ARMC9: variants seen among roughly 807,000 people sequenced by gnomAD.
ARMC9 encodes lisH domain-containing protein ARMC9.
A neutral mutation model predicts 107.0 loss-of-function variants in ARMC9; 94 were observed. That is an observed-to-expected ratio of 0.88 (90% confidence interval 0.74 to 1.04). The LOEUF is 1.04. Among genes scored for constraint, ARMC9 ranks in the 50% least tolerant of loss-of-function variants. The pLI, the probability that ARMC9 is intolerant of heterozygous loss-of-function variation, is 0.00. For missense variants in ARMC9, 942 were observed against 1,030.1 expected (o/e 0.91, Z 1.17); for synonymous variants, 380 against 396.9 (o/e 0.96, Z 0.51).
At chr2:231,302,567 C>T (rs1479698483) in intron 19 of ARMC9, among the ~76,000 whole-genome samples, 1 of 150,740 alleles carries the variant, frequency 6.6e-6, no homozygotes, top group East Asian at 2.0e-4. Flanking sequence ...TCTAGCCTCA[C>T]ACACCTGTGT....
rs750286873 is a variant in ARMC9 at position 231,278,440 on chromosome 2, T to A, written c.1533T>A (p.Leu511=). The A allele has an allele frequency of 3.1e-6, 5 of 1,613,984 alleles. No individual in the cohort carries two copies. The highest frequency in any genetic ancestry group is 4.2e-6 in the Non-Finnish European group (5 of 1,180,034). Residue 511 remains leucine (L), a synonymous_variant, in exon 16 of 25, where the codon CTT becomes CTA. Transcript: ENST00000611582. ...GLVLKVLSDL[L]GHENHEIQPY... is the part of the protein sequence containing the mutation. ...TGCTCAAAGTCCTTTCGGATCTTCT[T>A]GGCCATGAAAACCATGAGGTACTCA...
chr2:231,296,227 G>C lies in ARMC9; in HGVS notation c.1747G>C (p.Asp583His). ...GCTACCAGATGGTGTTCTTGAATCT[G>C]ATGATGATGAAGATGAAGATGATGA... ...EELPDGVLES[D>H]DDEDEDDEED... The change falls in exon 19 of 25, where the codon GAT becomes CAT. Residue 583 changes from aspartate (D) to histidine (H), a missense_variant. Transcript: ENST00000611582. 6.2e-7 allele frequency: 1 copy of C among 1,613,074 alleles called. No homozygotes were observed. The highest frequency in any genetic ancestry group is 1.1e-5 in the South Asian group (1 of 90,896).
chr2:231,212,814 C>T lies in ARMC9; in HGVS notation c.178-2017C>T, dbSNP rs144591630. 5.9e-3 allele frequency among the ~76,000 whole-genome samples: 904 copies of T among 152,348 alleles called. 9 individuals carry two copies. The highest frequency in any genetic ancestry group is 0.021 in the African/African-American group (874 of 41,588). On this transcript the variant is annotated intron_variant, in intron 3 of 24. Coordinates refer to ENST00000611582, the MANE Select transcript of ARMC9 (RefSeq NM_001352754.2). Reference sequence around the variant, plus strand: ...ACCCACAGGCGCTAACACACTGTCCCTCGCCTGTGTCCGGGAGGAACAGAA... The same window carrying T: ...ACCCACAGGCGCTAACACACTGTCCTTCGCCTGTGTCCGGGAGGAACAGAA...
At chr2:231,232,757 A>G (rs1346329942) in intron 7 of ARMC9, among the ~76,000 whole-genome samples, 1 of 152,174 alleles carries the variant, frequency 6.6e-6, no homozygotes, top group African/African-American at 2.4e-5. Flanking sequence ...GGCCTTTGCC[A>G]GGTGACTTTT....
chr2:231,261,163 G>C (rs778497034), intron 11 of ARMC9, among the ~76,000 whole-genome samples: 3 of 152,124 alleles, frequency 2.0e-5, no homozygotes, highest in Non-Finnish European at 2.9e-5. Flanking sequence ...TGCAGCCTCA[G>C]GATTTTTATC....
chr2:231,302,856 T>C (rs949229892), intron 19 of ARMC9, among the ~76,000 whole-genome samples: 1 of 151,950 alleles, frequency 6.6e-6, no homozygotes, highest in Non-Finnish European at 1.5e-5. Flanking sequence ...ATACAAAAAT[T>C]AGCTGGGCAT....
intron 20 of ARMC9, among the ~76,000 whole-genome samples, chr2:231,339,928 T>C (rs2011912): frequency 0.099 from 15,071 of 152,280 alleles, 2,461 homozygotes; most frequent in African/African-American, 0.34. Context: ...AGTGAAACTC[T>C]GTCTCAACCA....
At chr2:231,258,678 T>C (rs2038064712) in intron 10 of ARMC9, among the ~76,000 whole-genome samples, 1 of 152,224 alleles carries the variant, frequency 6.6e-6, no homozygotes. Flanking sequence ...TCAAGGTGAT[T>C]TCTTCCCTAT....
At chr2:231,214,718 A>C in intron 3 of ARMC9, 113 bp from the exon 4 acceptor site, 1 of 1,121,064 alleles carries the variant, frequency 8.9e-7, no homozygotes, top group East Asian at 2.4e-5. Flanking sequence ...CTATTTTTCT[A>C]TCCTTTACCA....
chr2:231,235,165 C>A, intron 7 of ARMC9, 59 bp from the exon 8 acceptor site: 1 of 1,523,724 alleles, frequency 6.6e-7, no homozygotes, highest in Non-Finnish European at 8.9e-7. Context: ...GAGAAGAATA[C>A]AATTATTTTT....
At position 231,362,251 on chromosome 2, in the gene ARMC9, A is replaced by G. The variant is rs1328706024; in HGVS notation, c.2261+1368A>G. Among the ~76,000 whole-genome samples, 1 of 152,104 alleles carries G rather than the reference A, an allele frequency of 6.6e-6. No homozygotes were observed. The highest frequency in any genetic ancestry group is 1.5e-5 in the Non-Finnish European group (1 of 67,982). On this transcript the variant is annotated intron_variant, in intron 23 of 24. Coordinates refer to ENST00000611582, the MANE Select transcript of ARMC9 (RefSeq NM_001352754.2). The surrounding 1 kb of genome is among the most constrained non-coding windows in gnomAD (Gnocchi z 4.7). ...CTCAGGCTCTCAGCATCCCCCTGAA[A>G]TGGGGACTCAAAATGAGAGACCTCT...
chr2:231,237,302 A>T (rs1226123531), intron 8 of ARMC9, among the ~76,000 whole-genome samples: 2 of 151,986 alleles, frequency 1.3e-5, no homozygotes, highest in Admixed American at 6.6e-5. Flanking sequence ...TATCTTGGAG[A>T]TCTTTCCATA....
chr2:231,243,018 G>A (rs552172840), intron 9 of ARMC9, among the ~76,000 whole-genome samples: 3 of 152,108 alleles, frequency 2.0e-5, no homozygotes, highest in Admixed American at 6.5e-5. Context: ...AGGCCGAGGC[G>A]GGCAGATGAC....
At chr2:231,355,136 C>G (rs1187205714) in intron 21 of ARMC9, among the ~76,000 whole-genome samples, 1 of 152,104 alleles carries the variant, frequency 6.6e-6, no homozygotes, top group African/African-American at 2.4e-5. Flanking sequence ...CCCAGGAGTT[C>G]GAGACCAGTC....
chr2:231,275,696 GT>G (rs1364519647), intron 14 of ARMC9, among the ~76,000 whole-genome samples: 16 of 152,358 alleles, frequency 1.1e-4, no homozygotes, highest in African/African-American at 3.6e-4. Flanking sequence ...GCTCACGCCT[GT>G]AATCCCAGCA....
At chr2:231,363,606 G>A (rs1414963029) in intron 23 of ARMC9, among the ~76,000 whole-genome samples, 2 of 152,146 alleles carry the variant, frequency 1.3e-5, no homozygotes, top group African/African-American at 2.4e-5. Context: ...GTCTAGACCT[G>A]CCTGGCGCAG....
intron 9 of ARMC9, among the ~76,000 whole-genome samples, chr2:231,251,561 T>A (rs1476077872): frequency 6.6e-6 from 1 of 151,926 alleles, no homozygotes; most frequent in Non-Finnish European, 1.5e-5. Flanking sequence ...GCGTGGGGAG[T>A]TATTCGGTCA....
Position 231,375,001 on chromosome 2 carries a change from A to G in ARMC9, c.*3466A>G, listed in dbSNP as rs1378271305. Among the ~76,000 whole-genome samples, 3 of 152,172 alleles carry G rather than the reference A, an allele frequency of 2.0e-5. No homozygotes were observed. Among genetic ancestry groups the G allele is most frequent in the Non-Finnish European group, 1.5e-5 (1 of 68,036 alleles). On this transcript the variant is annotated 3_prime_UTR_variant, in exon 25 of 25. Transcript: ENST00000611582. This position sits in a 1 kb window ranked among gnomAD's most constrained non-coding sequence, Gnocchi z 4.3. ...TGTTTGCCTAGCTTTATCTCTCCAG[A>G]TACTATTTGGGGTGTGCTGTTCTAA...
At chr2:231,326,944 G>C (rs1383680328) in intron 19 of ARMC9, among the ~76,000 whole-genome samples, 6 of 152,092 alleles carry the variant, frequency 3.9e-5, no homozygotes, top group Admixed American at 3.9e-4. Flanking sequence ...ATGATCTTAG[G>C]GAACACTGTC....
Sources: gnomAD v4.1 joint callset for allele counts (sites outside exome capture counted in the v4.1 genomes callset) on GRCh38, gnomAD v4.1.1 for gene constraint, Gnocchi (gnomAD v3.1) non-coding constraint, MANE v1.5 for transcripts, NCBI Gene and HGNC (gene_info 2026-07-23, HGNC 2026-07-21) for gene names.